The following DYDC2 variants were observed in gnomAD, a reference collection of about 807,000 sequenced individuals.
DYDC2 encodes DPY30 domain-containing protein 2.
Under a neutral mutation model 18.7 loss-of-function variants are expected in DYDC2, and 19 were observed. The ratio of observed to expected loss-of-function variants is 1.02; its 90% CI spans 0.71 to 1.49. DYDC2 has a LOEUF of 1.49. DYDC2 is among the 40% of genes most tolerant of loss of function. The pLI is 0.00. For missense variants in DYDC2, 179 were observed against 205.1 expected (o/e 0.87, Z 0.78); for synonymous variants, 63 against 67.6 (o/e 0.93, Z 0.34).
chr10:80,361,483 T>C (rs967652390), intron 2 of DYDC2, among the ~76,000 whole-genome samples: 1 of 152,218 alleles, frequency 6.6e-6, no homozygotes, highest in Non-Finnish European at 1.5e-5. Context: ...TTATTCCTTG[T>C]CAAATGATCA....
chr10:80,362,451 C>T lies in DYDC2; in HGVS notation c.8C>T (p.Thr3Ile). Residue 3 changes from threonine to isoleucine, a missense_variant, in exon 3 of 5, where the codon ACT becomes ATT. By Grantham distance (89) the Thr-to-Ile change is moderately conservative (BLOSUM62 -1). Transcript: ENST00000256039. ME[T>I]NYLKRCFGNC... Reference sequence around the variant, plus strand: ...GTTTTCCAGGCTGCCAGGATGGAAACTAACTACCTGAAGAGGTGCTTTGGA... The same window carrying T: ...GTTTTCCAGGCTGCCAGGATGGAAATTAACTACCTGAAGAGGTGCTTTGGA... 1 of 1,612,704 alleles carries T rather than the reference C, an allele frequency of 6.2e-7. No homozygotes were observed. Among genetic ancestry groups the T allele is most frequent in the Non-Finnish European group, 8.5e-7 (1 of 1,179,354 alleles).
chr10:80,355,488 T>C (rs1036513306), upstream of DYDC2, among the ~76,000 whole-genome samples: 2 of 152,104 alleles, frequency 1.3e-5, no homozygotes, highest in African/African-American at 4.8e-5. Flanking sequence ...TCTTGGATCC[T>C]ATCTCAAAGA....
At chr10:80,353,049 C>T (rs1040376436), upstream of DYDC2, among the ~76,000 whole-genome samples, 2 of 151,960 alleles carry the variant, frequency 1.3e-5, no homozygotes, top group African/African-American at 4.8e-5. Flanking sequence ...GGGTTTGTAC[C>T]CACCTCTTGA....
At chr10:80,354,963 T>A (rs77772983), upstream of DYDC2, among the ~76,000 whole-genome samples, 4,404 of 152,140 alleles carry the variant, frequency 0.029, 181 homozygotes, top group South Asian at 0.16. Context: ...AAGATAAATA[T>A]TTAAATCAAT....
chr10:80,360,778 T>A (rs916352736), intron 2 of DYDC2, among the ~76,000 whole-genome samples: 1 of 151,010 alleles, frequency 6.6e-6, no homozygotes, highest in Non-Finnish European at 1.5e-5. Flanking sequence ...TTTTTTTTTT[T>A]AGACAGGGTC....
chr10:80,367,146 T>A lies in DYDC2; in HGVS notation c.*195T>A. 1.6e-6 allele frequency: 1 copy of A among 615,744 alleles called. No homozygotes were observed. The highest frequency in any genetic ancestry group is 2.6e-6 in the Non-Finnish European group (1 of 384,638). 38.1% of individuals were successfully genotyped at this position (615,744 alleles called of 1,614,324 possible). ...ATAAAATAAACTCAGAATAAGGATT[T>A]AAAATAAGTAACCAAGTGGCTGTGA... On this transcript the variant is annotated 3_prime_UTR_variant, in exon 5 of 5. Transcript: ENST00000256039.
At position 80,367,002 on chromosome 10, in the gene DYDC2, A is replaced by C. The variant is rs1589536977; in HGVS notation, c.*51A>C. 1 of 1,554,512 alleles carries C rather than the reference A, an allele frequency of 6.4e-7. No homozygotes were observed. The highest frequency in any genetic ancestry group is 2.2e-5 in the East Asian group (1 of 44,526). On this transcript the variant is annotated 3_prime_UTR_variant, in exon 5 of 5. Transcript: ENST00000256039. ...TTACTTCTCTCAAAGCTAGAAGCCA[A>C]GAAAATGGCCAGCTAGAACCAAGAT... is the stretch of plus-strand genomic sequence containing the variant.
chr10:80,362,296 G>C (rs1843687025), intron 2 of DYDC2, 139 bp from the exon 3 acceptor site: 1 of 1,243,156 alleles, frequency 8.0e-7, no homozygotes. Context: ...GTAAGTGTTT[G>C]TTGGTTCTTT....
intron 1 of DYDC2, among the ~76,000 whole-genome samples, chr10:80,350,063 A>C (rs1447988128): frequency 1.3e-5 from 2 of 152,094 alleles, no homozygotes; most frequent in Non-Finnish European, 2.9e-5. Flanking sequence ...TCTTCATCTC[A>C]GCCACACTCT....
intron 4 of DYDC2, among the ~76,000 whole-genome samples, chr10:80,364,100 G>C (rs7098045): frequency 0.75 from 114,802 of 152,104 alleles, 44,217 homozygotes; most frequent in East Asian, 0.97. Flanking sequence ...GTGCATTAAA[G>C]TCTTTAATGC....
At chr10:80,345,867 C>G (rs965764121) in intron 1 of DYDC2, among the ~76,000 whole-genome samples, 1 of 152,054 alleles carries the variant, frequency 6.6e-6, no homozygotes, top group South Asian at 2.1e-4. Flanking sequence ...ATACATCTTA[C>G]GTTTTTTCAA....
In DYDC2 at chr10:80,366,958, G is replaced by A; in HGVS notation, c.*7G>A. ...CTCCAAATCTCCTTTTTAGGTTACA[G>A]AAGGTAGATGCTTCTGATTTACTTC... On this transcript the variant is annotated 3_prime_UTR_variant, in exon 5 of 5. Transcript: ENST00000256039. 6.2e-7 allele frequency: 1 copy of A among 1,600,980 alleles called. No homozygotes were observed.
At chr10:80,357,743 A>G in intron 1 of DYDC2, 150 bp from the exon 2 acceptor site, 1 of 967,152 alleles carries the variant, frequency 1.0e-6, no homozygotes, top group South Asian at 4.8e-5. Context: ...GCTCTCTTTC[A>G]GCTTATGGGC....
chr10:80,348,599 G>C (rs1001660467), intron 1 of DYDC2, among the ~76,000 whole-genome samples: 1 of 152,218 alleles, frequency 6.6e-6, no homozygotes, highest in African/African-American at 2.4e-5. Flanking sequence ...CAGAGTGTTT[G>C]TAAGGCCTCA....
At chr10:80,346,663 T>C (rs1589509370) in intron 1 of DYDC2, among the ~76,000 whole-genome samples, 8 of 150,802 alleles carry the variant, frequency 5.3e-5, no homozygotes. Flanking sequence ...GGTTTCACCA[T>C]GTTAGCTAGG....
intron 4 of DYDC2, among the ~76,000 whole-genome samples, chr10:80,365,497 T>A (rs1006930344): frequency 6.6e-6 from 1 of 152,180 alleles, no homozygotes; most frequent in African/African-American, 2.4e-5. Context: ...TGAATAGATA[T>A]TTGCTGCATA....
intron 2 of DYDC2, among the ~76,000 whole-genome samples, chr10:80,362,156 C>A (rs997048639): frequency 1.3e-5 from 2 of 152,160 alleles, no homozygotes; most frequent in African/African-American, 4.8e-5. Flanking sequence ...AAGGCTAGAT[C>A]TGAGCTTTTA....
At chr10:80,352,176 C>T (rs1022732733), upstream of DYDC2, among the ~76,000 whole-genome samples, 1 of 152,006 alleles carries the variant, frequency 6.6e-6, no homozygotes, top group African/African-American at 2.4e-5. Flanking sequence ...ATAATGAGCA[C>T]AATATTAAAG....
At chr10:80,358,827 C>T (rs539992559) in intron 2 of DYDC2, among the ~76,000 whole-genome samples, 2 of 152,282 alleles carry the variant, frequency 1.3e-5, no homozygotes, top group African/African-American at 4.8e-5. Context: ...GTGAGTATTA[C>T]AGTTCTTAAA....
Sources: allele counts gnomAD v4.1 joint callset (sites outside exome capture counted in the v4.1 genomes callset), GRCh38; gene constraint gnomAD v4.1.1; transcripts MANE v1.5; gene names NCBI Gene and HGNC (gene_info 2026-07-23, HGNC 2026-07-21).